The following FAAH2 variants were observed in gnomAD, a reference collection of about 807,000 sequenced individuals.
FAAH2 encodes fatty acid amide hydrolase 2, also known as fatty-acid amide hydrolase 2.
Under a neutral mutation model 36.9 loss-of-function variants are expected in FAAH2, and 60 were observed. That is an observed-to-expected ratio of 1.63 (90% CI 1.32 to 2.02). FAAH2 has a LOEUF of 2.02. Ranked by LOEUF, FAAH2 falls within the 30% of genes most tolerant of loss-of-function variation. The pLI, the probability that FAAH2 is intolerant of heterozygous loss-of-function variation, is 0.00. For missense variants in FAAH2, 689 were observed against 397.5 expected, an observed-to-expected ratio of 1.73 and a Z score of -6.23; for synonymous variants, 214 against 143.8, an observed-to-expected ratio of 1.49 and a Z score of -3.49.
chrX:57,393,086 T>TCAC, intron 7 of FAAH2: 2 of 922,577 alleles, frequency 2.2e-6, no homozygotes, highest in Non-Finnish European at 3.2e-6. Context: ...CTTCTGCCAG[T>TCAC]GAGTGCACTT....
intron 5 of FAAH2, among the ~76,000 whole-genome samples, chrX:57,344,336 TA>T (rs2053765012): frequency 1.8e-5 from 2 of 110,983 alleles, no homozygotes; most frequent in Admixed American, 1.9e-4. Flanking sequence ...TGGTTAGTGG[TA>T]TTTCTAGATA....
chrX:57,448,319 T>C, intron 9 of FAAH2, among the ~76,000 whole-genome samples: 1 of 112,569 alleles, frequency 8.9e-6, no homozygotes, highest in Non-Finnish European at 1.9e-5. Flanking sequence ...AACTATGCAG[T>C]AGCAGAGGCT....
chrX:57,306,724 GTGTGTGTATA>G (rs1462454714), intron 2 of FAAH2, among the ~76,000 whole-genome samples: 141 of 73,017 alleles, frequency 1.9e-3, no homozygotes, highest in Admixed American at 3.4e-3. Flanking sequence ...GTGTGTGTGT[GTGTGTGTATA>G]TATATACACA....
At chrX:57,421,822 G>T (rs1201454865) in intron 7 of FAAH2, among the ~76,000 whole-genome samples, 1 of 111,719 alleles carries the variant, frequency 9.0e-6, no homozygotes, top group Non-Finnish European at 1.9e-5. Flanking sequence ...ATTAGAAGAG[G>T]CATTATGATG....
At chrX:57,348,319 A>G (rs1174649228) in intron 5 of FAAH2, among the ~76,000 whole-genome samples, 1 of 110,902 alleles carries the variant, frequency 9.0e-6, no homozygotes, top group Non-Finnish European at 1.9e-5. Context: ...GCCCATCACG[A>G]CCACTGCCAA....
intron 10 of FAAH2, among the ~76,000 whole-genome samples, chrX:57,481,902 G>T (rs929852552): frequency 1.8e-5 from 2 of 111,872 alleles, no homozygotes; most frequent in Admixed American, 9.4e-5. Flanking sequence ...TGGTAGTTTT[G>T]TCTGTAAGCA....
the FAAH2 span, among the ~76,000 whole-genome samples, chrX:57,220,743 G>C: frequency 1.8e-3 from 207 of 111,996 alleles, no homozygotes; most frequent in African/African-American, 6.3e-3. Context: ...AAGGCCACTG[G>C]TCCAGACAAT....
At chrX:57,464,821 G>T (rs1046459373) in intron 10 of FAAH2, among the ~76,000 whole-genome samples, 2 of 111,072 alleles carry the variant, frequency 1.8e-5, no homozygotes, top group African/African-American at 6.5e-5. Context: ...AAATCTACAT[G>T]ATGTATACCA....
At chrX:57,140,293 A>G in the FAAH2 span, among the ~76,000 whole-genome samples, 1 of 108,925 alleles carries the variant, frequency 9.2e-6, no homozygotes, top group Admixed American at 9.9e-5. Flanking sequence ...AGAGAATTTA[A>G]CTTCTTCCTT....
At chrX:57,127,139 G>A in the FAAH2 span, 3 of 111,014 alleles carry the variant, frequency 2.7e-5, no homozygotes, top group Non-Finnish European at 5.7e-5. Context: ...AAATGGCTTA[G>A]CGTTCCCAGA....
intron 7 of FAAH2, among the ~76,000 whole-genome samples, chrX:57,419,307 T>C (rs1382167511): frequency 9.0e-6 from 1 of 110,916 alleles, no homozygotes. Flanking sequence ...ACTTCCACAA[T>C]GGTTGAACTA....
the FAAH2 span, among the ~76,000 whole-genome samples, chrX:57,141,262 A>G: frequency 8.9e-6 from 1 of 112,228 alleles, no homozygotes; most frequent in Admixed American, 9.4e-5. Context: ...ATGTTGAACC[A>G]TCATTGCATC....
chrX:57,137,233 C>T, the FAAH2 span: 2 of 760,795 alleles, frequency 2.6e-6, no homozygotes, highest in Non-Finnish European at 3.1e-6. Flanking sequence ...CCGGGGATCG[C>T]GGGCCTCACG....
intron 10 of FAAH2, among the ~76,000 whole-genome samples, chrX:57,460,683 G>A (rs1453030521): frequency 8.9e-6 from 1 of 111,779 alleles, no homozygotes; most frequent in Non-Finnish European, 1.9e-5. Flanking sequence ...ACTGGTACTA[G>A]CCACTGCAAA....
intron 3 of FAAH2, among the ~76,000 whole-genome samples, chrX:57,328,066 C>T (rs773421745): frequency 1.8e-5 from 2 of 112,237 alleles, no homozygotes; most frequent in South Asian, 3.7e-4. Context: ...CGGTCAGGAC[C>T]TTCAGCTGCA....
intron 7 of FAAH2, chrX:57,394,691 C>T (rs927454874): frequency 1.1e-6 from 1 of 897,593 alleles, no homozygotes; most frequent in Non-Finnish European, 1.6e-6. Flanking sequence ...TTTTTTTTAT[C>T]ATCTGGGACA....
chrX:57,161,802 G>A, the FAAH2 span, among the ~76,000 whole-genome samples: 3 of 111,728 alleles, frequency 2.7e-5, no homozygotes, highest in South Asian at 1.1e-3. Context: ...GATGGGTCTT[G>A]ACTCTTTATC....
At chrX:57,373,228 C>G (rs756756969) in intron 5 of FAAH2, among the ~76,000 whole-genome samples, 1 of 111,405 alleles carries the variant, frequency 9.0e-6, no homozygotes, top group East Asian at 2.8e-4. Context: ...AACTTCTTTT[C>G]ATCTGGGTAG....
the FAAH2 span, among the ~76,000 whole-genome samples, chrX:57,184,805 GAAAGAGAA>G: frequency 8.9e-6 from 1 of 111,952 alleles, no homozygotes; most frequent in African/African-American, 3.2e-5. Flanking sequence ...ATCTCCTTTG[GAAAGAGAA>G]AAAGAGAAAA....
Sources: allele counts gnomAD v4.1 joint callset (sites outside exome capture counted in the v4.1 genomes callset), GRCh38; gene constraint gnomAD v4.1.1; transcripts MANE v1.5; gene names NCBI Gene and HGNC (gene_info 2026-07-23, HGNC 2026-07-21).